Variants in ARB2A observed in about 807,000 individuals in gnomAD.
ARB2A encodes the protein cotranscriptional regulator ARB2A.
chr5:93,875,316 C>T, the ARB2A span, among the ~76,000 whole-genome samples: 1 of 152,206 alleles, frequency 6.6e-6, no homozygotes, highest in South Asian at 2.1e-4. Context: ...GCTGCAACCT[C>T]TGCCTCCTGG....
the ARB2A span, among the ~76,000 whole-genome samples, chr5:93,662,830 A>G: frequency 6.6e-6 from 1 of 152,224 alleles, no homozygotes; most frequent in Non-Finnish European, 1.5e-5. Context: ...TTGCTACAAC[A>G]AAATAGCTGA....
the ARB2A span, among the ~76,000 whole-genome samples, chr5:93,890,148 C>T: frequency 1.3e-5 from 2 of 151,742 alleles, no homozygotes; most frequent in African/African-American, 4.8e-5. Context: ...CATGATGGTG[C>T]TGAAAGTAAA....
chr5:94,104,421 G>A, the ARB2A span, among the ~76,000 whole-genome samples: 1 of 150,838 alleles, frequency 6.6e-6, no homozygotes. Flanking sequence ...AAATGGATAA[G>A]TTCCTCAAAA....
chr5:93,951,174 A>T, the ARB2A span, among the ~76,000 whole-genome samples: 2 of 151,830 alleles, frequency 1.3e-5, no homozygotes, highest in Admixed American at 1.3e-4. Flanking sequence ...TTTTAATTGG[A>T]TTATTAGATT....
At chr5:93,948,777 C>T in the ARB2A span, among the ~76,000 whole-genome samples, 1 of 152,156 alleles carries the variant, frequency 6.6e-6, no homozygotes, top group African/African-American at 2.4e-5. Context: ...ATCCTTTCTC[C>T]AGCTCACTGC....
chr5:94,011,067 T>A, the ARB2A span, among the ~76,000 whole-genome samples: 1 of 152,174 alleles, frequency 6.6e-6, no homozygotes, highest in African/African-American at 2.4e-5. Flanking sequence ...AGAACTCCAA[T>A]AGAGCACTTC....
the ARB2A span, among the ~76,000 whole-genome samples, chr5:93,811,106 A>G: frequency 6.6e-6 from 1 of 152,114 alleles, no homozygotes; most frequent in Non-Finnish European, 1.5e-5. Flanking sequence ...AAATGCTGAT[A>G]GCAGAGACTG....
the ARB2A span, among the ~76,000 whole-genome samples, chr5:93,709,549 C>T: frequency 5.1e-5 from 7 of 138,068 alleles, no homozygotes; most frequent in South Asian, 2.4e-4. Context: ...AGGAGAATCG[C>T]TTGAATCCAG....
At chr5:93,859,498 TA>T in the ARB2A span, among the ~76,000 whole-genome samples, 4 of 152,030 alleles carry the variant, frequency 2.6e-5, no homozygotes, top group African/African-American at 7.2e-5. Context: ...ATAAACCATA[TA>T]AAAAAAGATA....
the ARB2A span, among the ~76,000 whole-genome samples, chr5:93,732,141 G>T: frequency 2.0e-5 from 3 of 152,112 alleles, no homozygotes; most frequent in Non-Finnish European, 4.4e-5. Flanking sequence ...TCATGTTTCT[G>T]TTCACTGGTG....
At chr5:93,674,252 C>T in the ARB2A span, among the ~76,000 whole-genome samples, 45 of 152,318 alleles carry the variant, frequency 3.0e-4, no homozygotes, top group Middle Eastern at 6.8e-3. Context: ...GCTCAGTCGC[C>T]TCCAGTGTAG....
the ARB2A span, among the ~76,000 whole-genome samples, chr5:93,774,662 T>C: frequency 6.6e-6 from 1 of 152,204 alleles, no homozygotes. Context: ...CCAAATGTAG[T>C]GCTGAAGTGC....
chr5:93,740,461 A>T, the ARB2A span: 3 of 1,147,696 alleles, frequency 2.6e-6, no homozygotes, highest in Non-Finnish European at 3.7e-6. Context: ...TAACTTCTTT[A>T]GACAGTGAAT....
chr5:94,064,967 C>A, the ARB2A span, among the ~76,000 whole-genome samples: 1 of 151,922 alleles, frequency 6.6e-6, no homozygotes, highest in Non-Finnish European at 1.5e-5. Context: ...CTATAGAAAA[C>A]AACCAAACTA....
chr5:93,636,280 C>A, the ARB2A span, among the ~76,000 whole-genome samples: 1 of 152,108 alleles, frequency 6.6e-6, no homozygotes, highest in Non-Finnish European at 1.5e-5. Context: ...AGCCCAGAGA[C>A]CAATTTGGGG....
the ARB2A span, among the ~76,000 whole-genome samples, chr5:94,011,590 T>G: frequency 6.6e-6 from 1 of 151,922 alleles, no homozygotes; most frequent in Non-Finnish European, 1.5e-5. Flanking sequence ...GCACAAAAGA[T>G]TAAAGGAATA....
At chr5:93,751,153 CTT>C in the ARB2A span, among the ~76,000 whole-genome samples, 2 of 146,710 alleles carry the variant, frequency 1.4e-5, no homozygotes. Context: ...TTTGCCCCAA[CTT>C]TTTTTTTTTG....
the ARB2A span, among the ~76,000 whole-genome samples, chr5:93,751,413 A>G: frequency 2.0e-5 from 3 of 152,246 alleles, no homozygotes; most frequent in Non-Finnish European, 4.4e-5. Flanking sequence ...GAATACTTAG[A>G]CATCAAATAT....
chr5:93,913,753 G>A, the ARB2A span, among the ~76,000 whole-genome samples: 2 of 152,042 alleles, frequency 1.3e-5, no homozygotes, highest in East Asian at 1.9e-4. Context: ...TTAAGCCTAT[G>A]TAACAAACTA....
Sources: allele counts gnomAD v4.1 joint callset (sites outside exome capture counted in the v4.1 genomes callset), GRCh38; gene constraint gnomAD v4.1.1; transcripts MANE v1.5; gene names NCBI Gene and HGNC (gene_info 2026-07-23, HGNC 2026-07-21).